DDX23: variants seen among roughly 807,000 people sequenced by gnomAD.
DDX23 encodes DEAD-box helicase 23.
In DDX23, 33 loss-of-function variants were observed where a neutral mutation model predicts 102.7. The observed-to-expected ratio is 0.32, with a 90% confidence interval of 0.24 to 0.43. DDX23 has a LOEUF of 0.43. DDX23 is among the 20% of genes least tolerant of loss of function. DDX23 has a pLI of 1.00. For missense variants in DDX23, 549 were observed against 1,086.6 expected (o/e 0.51, Z 6.96); for synonymous variants, 352 against 376.0 (o/e 0.94, Z 0.74).
At chr12:48,849,395 G>A (rs1938721931) in intron 1 of DDX23, among the ~76,000 whole-genome samples, 1 of 152,124 alleles carries the variant, frequency 6.6e-6, no homozygotes, top group African/African-American at 2.4e-5. Context: ...CAGGAGCAGT[G>A]GCTCACGCCT....
chr12:48,840,049 C>G lies in DDX23; in HGVS notation c.378G>C (p.Lys126Asn). The change falls in exon 4 of 17, where the codon AAG (lysine) becomes AAC (asparagine). Residue 126 changes from lysine to asparagine, a missense_variant. Lys to Asn is a moderately conservative substitution (Grantham distance 94). Around this residue, in one of 4 missense-constraint regions of DDX23, gnomAD observed 241 missense variants for 267.0 expected, o/e 0.90. Coordinates refer to ENST00000308025, the MANE Select transcript of DDX23 (RefSeq NM_004818.3). ...FKSRKDRDSK[K>N]DEEDEHGDKK... ...TATCACCATGTTCATCCTCTTCATC[C>G]TTCTTAGAGTCTCTGTCCTTCCGAG... 2 of 1,614,178 alleles carry G rather than the reference C, an allele frequency of 1.2e-6. No homozygotes were observed. The highest frequency in any genetic ancestry group is 1.7e-6 in the Non-Finnish European group (2 of 1,180,012).
intron 1 of DDX23, among the ~76,000 whole-genome samples, chr12:48,846,467 G>C (rs1283486752): frequency 6.6e-6 from 1 of 152,164 alleles, no homozygotes; most frequent in Non-Finnish European, 1.5e-5. Flanking sequence ...GTCTGAGAGA[G>C]ATAAATTTTC....
chr12:48,844,732 A>G (rs1347240487), intron 2 of DDX23, among the ~76,000 whole-genome samples: 10 of 151,122 alleles, frequency 6.6e-5, no homozygotes, highest in African/African-American at 2.4e-4. Context: ...CGGCCTCCCA[A>G]AGTGCTGGGA....
chr12:48,847,742 G>C (rs1938692354), intron 1 of DDX23, among the ~76,000 whole-genome samples: 1 of 152,132 alleles, frequency 6.6e-6, no homozygotes, highest in Non-Finnish European at 1.5e-5. Context: ...CTTGAGCCCG[G>C]GAGGCAGAGG....
chr12:48,842,514 C>G lies in DDX23; in HGVS notation c.320+1426G>C, dbSNP rs529183901. Reference sequence around the variant, plus strand: ...GAGGAAGGTGGGGGGGTCAGCCCCCCGCCCGGCCAGCCGCCCCGTCCGGGA... The same window carrying G: ...GAGGAAGGTGGGGGGGTCAGCCCCCGGCCCGGCCAGCCGCCCCGTCCGGGA... On this transcript the variant is annotated intron_variant, in intron 3 of 16. Transcript: ENST00000308025. Among the ~76,000 whole-genome samples, 357 of 139,312 alleles carry G rather than the reference C, an allele frequency of 2.6e-3. 1 individual carries two copies. Among genetic ancestry groups the G allele is most frequent in the Non-Finnish European group, 4.5e-3 (282 of 63,022 alleles). 91.4% of individuals were successfully genotyped at this position (139,312 alleles called of 152,430 possible). A position where few individuals can be genotyped will look rare whatever the true frequency, so the allele number is the denominator to read the frequency against.
At chr12:48,835,264 TAATA>T (rs781116836) in intron 11 of DDX23, 4 of 177,510 alleles carry the variant, frequency 2.3e-5, no homozygotes, top group African/African-American at 9.6e-5. Flanking sequence ...AATAAATAAA[TAATA>T]AATACATAAA....
chr12:48,838,387 A>G (rs1938495895), intron 5 of DDX23, among the ~76,000 whole-genome samples: 1 of 152,126 alleles, frequency 6.6e-6, no homozygotes, highest in Non-Finnish European at 1.5e-5. Flanking sequence ...TTGTTTCTAC[A>G]AAAATAAAAA....
intron 3 of DDX23, among the ~76,000 whole-genome samples, chr12:48,842,694 C>T (rs1304260887): frequency 3.3e-5 from 5 of 150,196 alleles, no homozygotes; most frequent in East Asian, 4.0e-4. Context: ...GCCCCCCGCC[C>T]GGCCAGCCGC....
At chr12:48,848,211 G>A (rs988078858) in intron 1 of DDX23, among the ~76,000 whole-genome samples, 8 of 151,950 alleles carry the variant, frequency 5.3e-5, no homozygotes, top group Non-Finnish European at 7.4e-5. Context: ...GCGTGAACCC[G>A]GGAGGCAGAG....
rs1011048176 is a variant in DDX23 at position 48,830,354 on chromosome 12, T to C, written c.*115A>G. On this transcript the variant is annotated 3_prime_UTR_variant, in exon 17 of 17. Coordinates refer to ENST00000308025, the MANE Select transcript of DDX23 (RefSeq NM_004818.3). This position sits in a 1 kb window ranked among gnomAD's most constrained non-coding sequence, Gnocchi z 4.9. Reference sequence around the variant, plus strand: ...GTCTGGGCTAGGGAGTTGGATTGTTTTCCTAAGCCCCCATATCCCAAGAGT... The same window carrying C: ...GTCTGGGCTAGGGAGTTGGATTGTTCTCCTAAGCCCCCATATCCCAAGAGT... The C allele has an allele frequency of 3.1e-6, 4 of 1,278,136 alleles. No homozygotes were observed. In the African/African-American group the frequency reaches 5.9e-5, roughly 19 times the overall value. The allele number at this position is 1,278,136 out of a possible 1,614,324, so 79.2% of individuals were successfully genotyped here.
At chr12:48,831,986 G>GT in intron 15 of DDX23, 92 bp downstream of exon 15, 1 of 1,195,336 alleles carries the variant, frequency 8.4e-7, no homozygotes, top group Non-Finnish European at 1.2e-6. Context: ...TAAAGAAAGG[G>GT]TGAGACTTGA....
intron 2 of DDX23, 66 bp from the exon 3 acceptor site, chr12:48,844,116 G>GC: frequency 6.8e-7 from 1 of 1,465,248 alleles, no homozygotes; most frequent in Admixed American, 1.7e-5. Flanking sequence ...CTGCAGCCCT[G>GC]AGAAAGTTCC....
rs763586431 is a variant in DDX23 at position 48,831,232 on chromosome 12, T to C, written c.2149A>G (p.Ile717Val). 2 of 1,614,114 alleles carry C rather than the reference T, an allele frequency of 1.2e-6. No individual in the cohort carries two copies. The highest frequency in any genetic ancestry group is 2.7e-5 in the African/African-American group (2 of 74,936). ...LSNLKAGAKDILVATDVAGRG... is the reference protein window; with the variant it reads ...LSNLKAGAKDVLVATDVAGRG... ...CCAGCCACATCTGTAGCCACCAAAA[T>C]ATCCTTGGCCCCAGCCTTGAGGTTG... Residue 717 changes from isoleucine to valine, a missense_variant, in exon 16 of 17, where the codon ATT (isoleucine) becomes GTT (valine). Physicochemically the swap from Ile to Val is conservative, Grantham distance 29. Transcript: ENST00000308025.
chr12:48,845,097 AGCCGAGATCGT>A (rs1210522531), intron 2 of DDX23, among the ~76,000 whole-genome samples: 162 of 149,050 alleles, frequency 1.1e-3, no homozygotes, highest in African/African-American at 3.8e-3. Flanking sequence ...GGTTGCAGTG[AGCCGAGATCGT>A]GCCATTGCAC....
rs1938413720 is a variant in DDX23 at position 48,832,967 on chromosome 12, T to C, written c.1803+310A>G. 2 of 454,368 alleles carry C rather than the reference T, an allele frequency of 4.4e-6. No homozygotes were observed. The highest frequency in any genetic ancestry group is 4.0e-6 in the Non-Finnish European group (1 of 252,330). The allele number at this position is 454,368 out of a possible 1,614,324, so 28.1% of individuals were successfully genotyped here. A position where few individuals can be genotyped will look rare whatever the true frequency, so the allele number is the denominator to read the frequency against. On this transcript the variant is annotated intron_variant, in intron 13 of 16. Transcript: ENST00000308025. This position sits in a 1 kb window ranked among gnomAD's most constrained non-coding sequence, Gnocchi z 4.4. ...AAGGCAAGAAAGGCCCAAAAGGAGG[T>C]TGGCAACCTTGTACAACTTTTCTTT...
In DDX23 at chr12:48,836,477, G is replaced by T. The variant is rs1276249364; in HGVS notation, c.1236+92C>A. ...GGTCACATTGGTGCCCACTAGCAGC[G>T]ATGGCTCCAAATAGTCAAGGAACAA... On this transcript the variant is annotated intron_variant, in intron 10 of 16. Coordinates refer to ENST00000308025, the MANE Select transcript of DDX23 (RefSeq NM_004818.3). This position sits in a 1 kb window ranked among gnomAD's most constrained non-coding sequence, Gnocchi z 6.1. The T allele has an allele frequency of 7.3e-7, 1 of 1,371,910 alleles. No individual in the cohort carries two copies. Among genetic ancestry groups the T allele is most frequent in the Non-Finnish European group, 1.0e-6 (1 of 981,184 alleles). The allele number at this position is 1,371,910 out of a possible 1,614,324, so 85.0% of individuals were successfully genotyped here. A position where few individuals can be genotyped will look rare whatever the true frequency, so the allele number is the denominator to read the frequency against.
At chr12:48,831,110 C>T in intron 16 of DDX23, 32 bp downstream of exon 16, 1 of 1,612,640 alleles carries the variant, frequency 6.2e-7, no homozygotes, top group Non-Finnish European at 8.5e-7. Context: ...CTGACTTCAC[C>T]CTGGATTGAA....
rs755872954 is a variant in DDX23, at chr12:48,837,620, C to T, written c.657G>A (p.Glu219=). The T allele has an allele frequency of 5.6e-6, 9 of 1,614,074 alleles. No homozygotes were observed. The highest frequency in any genetic ancestry group is 7.6e-6 in the Non-Finnish European group (9 of 1,180,046). The part of the protein sequence containing the change: ...PQERERRERR[E]RMERETNGNE... ...TTCCATTGGTCTCCCGTTCCATCCT[C>T]TCCCTGCGTTCCCGACGTTCCCGTT... is the stretch of plus-strand genomic sequence containing the variant. Residue 219 remains glutamate, a synonymous_variant, in exon 7 of 17, where the codon GAG becomes GAA. Coordinates refer to ENST00000308025, the MANE Select transcript of DDX23 (RefSeq NM_004818.3).
chr12:48,844,282 CTTT>C (rs1180070484), intron 2 of DDX23, among the ~76,000 whole-genome samples: 2 of 152,010 alleles, frequency 1.3e-5, no homozygotes, highest in African/African-American at 2.4e-5. Flanking sequence ...ATGAACCTTC[CTTT>C]TTTATTTTTT....
Sources: allele counts gnomAD v4.1 joint callset (sites outside exome capture counted in the v4.1 genomes callset), GRCh38; gene constraint gnomAD v4.1.1; regional missense constraint gnomAD v4.1.1; non-coding constraint Gnocchi (gnomAD v3.1); transcripts MANE v1.5; gene names NCBI Gene and HGNC (gene_info 2026-07-23, HGNC 2026-07-21).